GSDMB: variants seen among roughly 807,000 people sequenced by gnomAD.
GSDMB encodes the protein gasdermin B.
A neutral mutation model predicts 42.9 loss-of-function variants in GSDMB; 32 were observed. The ratio of observed to expected loss-of-function variants is 0.75; its 90% CI spans 0.56 to 1.00. The LOEUF is 1.00. GSDMB is among the 50% of genes least tolerant of loss of function. The pLI, the probability that GSDMB is intolerant of heterozygous loss-of-function variation, is 0.00. For synonymous variants in GSDMB, 175 were observed against 193.7 expected, an observed-to-expected ratio of 0.90 and a Z score of 0.80; for missense variants, 468 against 498.5, an observed-to-expected ratio of 0.94 and a Z score of 0.58.
chr17:39,906,167 T>A lies in GSDMB; in HGVS notation c.832A>T (p.Asn278Tyr). The change falls in exon 8 of 11, where the codon AAC (asparagine) becomes TAC (tyrosine). Residue 278 changes from asparagine to tyrosine, a missense_variant. By Grantham distance (143) the Asn-to-Tyr change is moderately radical. Coordinates refer to ENST00000418519, the MANE Select transcript of GSDMB (RefSeq NM_001165958.2). ...TTGCCGAGGCACTTAGCGAGGGAGT[T>A]TAGCACATCTTTTCTCTTCTCCTCT... is the stretch of plus-strand genomic sequence containing the variant. Reference protein sequence around the residue: ...LTEEKRKDVLNSLAKCLGKED... With the variant: ...LTEEKRKDVLYSLAKCLGKED... 1 of 1,614,162 alleles carries A rather than the reference T, an allele frequency of 6.2e-7. No homozygotes were observed. The highest frequency in any genetic ancestry group is 1.3e-5 in the African/African-American group (1 of 75,048).
chr17:39,905,401 T>C (rs201003322), intron 10 of GSDMB, 25 bp downstream of exon 10: 1,195 of 1,531,670 alleles, frequency 7.8e-4, no homozygotes, highest in Non-Finnish European at 9.9e-4. Flanking sequence ...ACTATGACCA[T>C]GGCCCTCAGC....
At chr17:39,915,690 T>C (rs905878400) in intron 2 of GSDMB, among the ~76,000 whole-genome samples, 1 of 152,058 alleles carries the variant, frequency 6.6e-6, no homozygotes, top group Non-Finnish European at 1.5e-5. Context: ...CTTTGAAAGA[T>C]GCGAATCTGA....
rs1568100903 is a variant in GSDMB, at chr17:39,906,083, G to A, written c.888+28C>T. 7 of 1,613,228 alleles carry A rather than the reference G, an allele frequency of 4.3e-6. No individual in the cohort carries two copies. The South Asian group carries it at 7.7e-5, about 18-fold the overall frequency. On this transcript the variant is annotated intron_variant, in intron 8 of 10. Transcript: ENST00000418519. ...TCCCCTCTGGCTCCTATCTCTCTCT[G>A]CCCCAAGGCTTTCTTAGGGTCCCTT... is the stretch of plus-strand genomic sequence containing the variant.
intron 2 of GSDMB, 57 bp from the exon 3 acceptor site, chr17:39,912,554 A>G (rs2063631551): frequency 7.2e-7 from 1 of 1,384,712 alleles, no homozygotes; most frequent in Non-Finnish European, 1.0e-6. Flanking sequence ...ATCTCTCTCC[A>G]AAACACCCTC....
At chr17:39,908,335 A>G in intron 5 of GSDMB, 121 bp from the exon 6 acceptor site, 1 of 589,978 alleles carries the variant, frequency 1.7e-6, no homozygotes, top group Non-Finnish European at 3.1e-6. Context: ...AAAAAAAAAA[A>G]AAAAAAAAGA....
rs546523492 is a variant in GSDMB, at chr17:39,909,542, A to G, written c.576+214T>C. Reference sequence around the variant, plus strand: ...AAGACCTCATCTCTATTTAAAAAAGAAAGAAAGAAAATGCAAATGAAAAGA... The same window carrying G: ...AAGACCTCATCTCTATTTAAAAAAGGAAGAAAGAAAATGCAAATGAAAAGA... On this transcript the variant is annotated intron_variant, in intron 4 of 10. Coordinates refer to ENST00000418519, the MANE Select transcript of GSDMB (RefSeq NM_001165958.2). 1.1e-5 allele frequency: 6 copies of G among 536,590 alleles called. No individual in the cohort carries two copies. In the African/African-American group the frequency reaches 1.1e-4, roughly 10 times the overall value. 33.2% of individuals were successfully genotyped at this position (536,590 alleles called of 1,614,324 possible). A position where few individuals can be genotyped will look rare whatever the true frequency, so the allele number is the denominator to read the frequency against.
At chr17:39,905,805 C>T (rs2063493343) in intron 9 of GSDMB, 42 bp downstream of exon 9, 3 of 1,605,756 alleles carry the variant, frequency 1.9e-6, no homozygotes, top group African/African-American at 1.3e-5. Flanking sequence ...CCTCTCTGCT[C>T]ACACTTCCTC....
intron 9 of GSDMB, 118 bp from the exon 10 acceptor site, chr17:39,905,614 A>C (rs111419906): frequency 1.1e-6 from 1 of 947,166 alleles, no homozygotes; most frequent in Non-Finnish European, 1.7e-6. Flanking sequence ...TGGGAGTGCT[A>C]GATGAGACTT....
In GSDMB at chr17:39,912,422, A is replaced by C; in HGVS notation, c.311T>G (p.Ile104Arg). 6.2e-7 allele frequency: 1 copy of C among 1,612,428 alleles called. No homozygotes were observed. Among genetic ancestry groups the C allele is most frequent in the South Asian group, 1.1e-5 (1 of 91,032 alleles). Reference sequence around the variant, plus strand: ...GCCCTGGAAACTGCCTGAAATTGTTATTTCTTTGGGTAATCTCACTATCAA... The same window carrying C: ...GCCCTGGAAACTGCCTGAAATTGTTCTTTCTTTGGGTAATCTCACTATCAA... ...GELIVRLPKE[I>R]TISGSFQGFH... Residue 104 changes from isoleucine (I) to arginine (R), a missense_variant, in exon 3 of 11, where the codon ATA becomes AGA. Physicochemically the swap from Ile to Arg is moderately conservative, Grantham distance 97. Coordinates refer to ENST00000418519, the MANE Select transcript of GSDMB (RefSeq NM_001165958.2).
chr17:39,905,385 C>T (rs968184457), intron 10 of GSDMB, 41 bp downstream of exon 10: 5 of 1,374,856 alleles, frequency 3.6e-6, no homozygotes, highest in Non-Finnish European at 5.1e-6. Flanking sequence ...ATGGGCATTC[C>T]CTTCCACTAT....
Position 39,909,823 on chromosome 17 carries a change from AGGG to A in GSDMB, c.506_508del (p.Thr169_Leu170delinsMet), listed in dbSNP as rs764840747. 160 of 1,614,002 alleles carry A rather than the reference AGGG, an allele frequency of 9.9e-5. No homozygotes were observed. The highest frequency in any genetic ancestry group is 1.3e-4 in the Non-Finnish European group (159 of 1,179,964). On this transcript the variant is annotated inframe_deletion, in exon 4 of 11. Coordinates refer to ENST00000418519, the MANE Select transcript of GSDMB (RefSeq NM_001165958.2). ...AAATTTATATTGCCGGTCGCTTTTC[AGGG>A]TTTCCTCCTTTACCGTCTCCAGAGT... is the stretch of plus-strand genomic sequence containing the variant.
intron 2 of GSDMB, 93 bp from the exon 3 acceptor site, chr17:39,912,590 C>T (rs1056598648): frequency 1.2e-5 from 11 of 926,158 alleles, no homozygotes; most frequent in East Asian, 9.9e-5. Context: ...TCCTGGGTTC[C>T]GTGCCACCAT....
rs1340615481 is a variant in GSDMB at position 39,909,750 on chromosome 17, C to T, written c.576+6G>A. The T allele has an allele frequency of 6.2e-6, 10 of 1,613,052 alleles. No individual in the cohort carries two copies. The African/African-American group carries it at 1.2e-4, about 19-fold the overall frequency. ...CTCCACAGTCCCTGCCTCCCAGGATCCTAACCTTGTGTTTATAGCTGAGAT... is the reference window on the plus strand; with the variant it reads ...CTCCACAGTCCCTGCCTCCCAGGATTCTAACCTTGTGTTTATAGCTGAGAT... On this transcript the variant is annotated splice_donor_region_variant and intron_variant, in intron 4 of 10. Coordinates refer to ENST00000418519, the MANE Select transcript of GSDMB (RefSeq NM_001165958.2).
At chr17:39,916,397 C>T (rs1352887166) in intron 2 of GSDMB, among the ~76,000 whole-genome samples, 1 of 149,486 alleles carries the variant, frequency 6.7e-6, no homozygotes, top group African/African-American at 2.5e-5. Context: ...ATTCTCTTGC[C>T]TCAGCCTCCT....
At chr17:39,907,151 T>C (rs2063520041) in intron 6 of GSDMB, 164 bp from the exon 7 acceptor site, 5 of 1,459,462 alleles carry the variant, frequency 3.4e-6, no homozygotes, top group Non-Finnish European at 4.5e-6. Flanking sequence ...GAAAGCACTG[T>C]ATTTGCAGAC....
chr17:39,906,073 ATC>A, intron 8 of GSDMB, 36 bp downstream of exon 8: 1 of 1,611,544 alleles, frequency 6.2e-7, no homozygotes. Context: ...TCTGGCTCCT[ATC>A]TCTCTCTGCC....
intron 2 of GSDMB, among the ~76,000 whole-genome samples, chr17:39,913,145 AG>A (rs1219447756): frequency 1.5e-4 from 23 of 152,144 alleles, no homozygotes; most frequent in African/African-American, 5.6e-4. Context: ...GAAAAAGAAA[AG>A]GAAAGGAAAA....
In GSDMB at chr17:39,910,580, G is replaced by A. The variant is rs573546205; in HGVS notation, c.408-656C>T. ...TAAGTCCAAAGAGAGTGCCCTTCCC[G>A]TGACACTGAGATAGGCATCTGTGAA... On this transcript the variant is annotated intron_variant, in intron 3 of 10. Transcript: ENST00000418519. Among the ~76,000 whole-genome samples the A allele has an allele frequency of 9.9e-5, 15 of 152,186 alleles. No individual in the cohort carries two copies. The South Asian group carries it at 3.1e-3, about 32-fold the overall frequency.
intron 4 of GSDMB, chr17:39,909,392 T>C (rs1309573461): frequency 2.7e-6 from 1 of 374,486 alleles, no homozygotes; most frequent in African/African-American, 2.1e-5. Context: ...TGATGAACCA[T>C]GGGAAATGTA....
Sources: allele counts gnomAD v4.1 joint callset (sites outside exome capture counted in the v4.1 genomes callset), GRCh38; gene constraint gnomAD v4.1.1; transcripts MANE v1.5; gene names NCBI Gene and HGNC (gene_info 2026-07-23, HGNC 2026-07-21).